Variants in CCNY observed in about 807,000 individuals in gnomAD.
CCNY encodes cyclin Y, also known as cyclin-Y.
CCNY carries 19 observed loss-of-function variants against 42.8 expected under a neutral mutation model. That is an observed-to-expected ratio of 0.44 (90% confidence interval 0.31 to 0.65). The LOEUF (loss-of-function observed/expected upper bound fraction) is 0.65, where lower values mean the gene tolerates loss of function less well. CCNY is among the 30% of genes least tolerant of loss of function. CCNY has a pLI of 0.07. For synonymous variants in CCNY, 165 were observed against 162.7 expected (o/e 1.01, Z -0.11); for missense variants, 370 against 437.3 (o/e 0.85, Z 1.37).
At chr10:35,341,150 G>T (rs1387457307) in intron 1 of CCNY, among the ~76,000 whole-genome samples, 1 of 152,170 alleles carries the variant, frequency 6.6e-6, no homozygotes, top group Non-Finnish European at 1.5e-5. Context: ...GGCCCCTTGG[G>T]ATCTGCCTGC....
Position 35,313,977 on chromosome 10 carries a change from G to GAA in CCNY, c.-9+63373_-9+63374dup, listed in dbSNP as rs71523375. Among the ~76,000 whole-genome samples the GAA allele has an allele frequency of 6.0e-3, 475 of 79,650 alleles. 4 individuals are homozygous for GAA. Among genetic ancestry groups the GAA allele is most frequent in the Admixed American group, 0.017 (106 of 6,316 alleles). 52.3% of individuals were successfully genotyped at this position (79,650 alleles called of 152,430 possible). A position where few individuals can be genotyped will look rare whatever the true frequency, so the allele number is the denominator to read the frequency against. On this transcript the variant is annotated intron_variant, in intron 3 of 11. Transcript: ENST00000374706. ...GGAGATAAAGTGAGAGTTCATCTCG[G>GAA]AAAAAAAAAAAAAAAAAAAAAAAGT...
At chr10:35,453,919 T>G (rs1024597256) in intron 1 of CCNY, among the ~76,000 whole-genome samples, 7 of 152,262 alleles carry the variant, frequency 4.6e-5, no homozygotes, top group Non-Finnish European at 1.0e-4. Flanking sequence ...TCTTTATGCA[T>G]TTCATAATGT....
intron 1 of CCNY, among the ~76,000 whole-genome samples, chr10:35,356,732 A>G (rs1564380218): frequency 6.6e-6 from 1 of 152,194 alleles, no homozygotes; most frequent in East Asian, 1.9e-4. Context: ...TGCTGGGAAG[A>G]TGCAACAAGT....
intron 2 of CCNY, among the ~76,000 whole-genome samples, chr10:35,496,395 T>G (rs1316671559): frequency 2.6e-5 from 4 of 152,224 alleles, no homozygotes; most frequent in Non-Finnish European, 4.4e-5. Flanking sequence ...CTTCTGGGCC[T>G]TCCCTTCCTT....
intron 3 of CCNY, chr10:35,250,696 T>C (rs2076734559): frequency 6.6e-6 from 1 of 152,394 alleles, no homozygotes; most frequent in Non-Finnish European, 1.5e-5. Flanking sequence ...GCCATTTCCA[T>C]GACCATTTGG....
intron 3 of CCNY, among the ~76,000 whole-genome samples, chr10:35,260,692 A>C (rs551835788): frequency 6.6e-6 from 1 of 152,352 alleles, no homozygotes; most frequent in Non-Finnish European, 1.5e-5. Flanking sequence ...TCACCAGGAC[A>C]TAATTTCTCT....
Position 35,292,557 on chromosome 10 carries a change from C to T in CCNY, c.-9+41931C>T, listed in dbSNP as rs574982994. 3.7e-4 allele frequency among the ~76,000 whole-genome samples: 57 copies of T among 152,032 alleles called. No individual in the cohort carries two copies. In the South Asian group the frequency reaches 7.9e-3, roughly 21 times the overall value. On this transcript the variant is annotated intron_variant, in intron 3 of 11. Transcript: ENST00000374706. Reference sequence around the variant, plus strand: ...TGTATTATTAGTAGAGACAGGGTTTCGCCATGTTGGTCAGGCTGGTCTCAA... The same window carrying T: ...TGTATTATTAGTAGAGACAGGGTTTTGCCATGTTGGTCAGGCTGGTCTCAA...
At chr10:35,489,909 A>G (rs1034366495) in intron 2 of CCNY, among the ~76,000 whole-genome samples, 1 of 152,196 alleles carries the variant, frequency 6.6e-6, no homozygotes, top group African/African-American at 2.4e-5. Flanking sequence ...TACTCTTTAC[A>G]TTTGGTGGCA....
intron 3 of CCNY, among the ~76,000 whole-genome samples, chr10:35,503,153 G>C (rs1335650351): frequency 6.6e-6 from 1 of 152,020 alleles, no homozygotes; most frequent in Non-Finnish European, 1.5e-5. Flanking sequence ...CTGAGCACCT[G>C]CCACACACTT....
chr10:35,431,401 CCTCTCTCTCTCTCT>C (rs1177072692), intron 1 of CCNY, among the ~76,000 whole-genome samples: 10 of 3,060 alleles, frequency 3.3e-3, no homozygotes, highest in Admixed American at 5.9e-3. Context: ...CCCCTCCCCT[CCTCTCTCTCTCTCT>C]CTCTCTCTCT....
intron 3 of CCNY, among the ~76,000 whole-genome samples, chr10:35,271,331 G>T (rs113182825): frequency 1.3e-5 from 2 of 152,108 alleles, no homozygotes; most frequent in African/African-American, 2.4e-5. Context: ...AAGGTTCAGC[G>T]TGGAGAAGCC....
At chr10:35,537,935 C>G (rs1440412410) in intron 7 of CCNY, among the ~76,000 whole-genome samples, 1 of 152,050 alleles carries the variant, frequency 6.6e-6, no homozygotes, top group Non-Finnish European at 1.5e-5. Flanking sequence ...GGCTGTGTCC[C>G]CACCAAGATC....
intron 3 of CCNY, among the ~76,000 whole-genome samples, chr10:35,502,024 A>G (rs1840120696): frequency 6.6e-6 from 1 of 152,216 alleles, no homozygotes; most frequent in Non-Finnish European, 1.5e-5. Flanking sequence ...GATAAACTTG[A>G]TAACACTAAA....
In CCNY at chr10:35,570,290, T is replaced by C. The variant is rs1269146107; in HGVS notation, c.*1120T>C. 1 of 152,394 alleles carries C rather than the reference T, an allele frequency of 6.6e-6. No individual in the cohort carries two copies. Among genetic ancestry groups the C allele is most frequent in the Non-Finnish European group, 1.5e-5 (1 of 68,036 alleles). The allele number at this position is 152,394 out of a possible 1,614,324, so 9.4% of individuals were successfully genotyped here. ...GGAAGATCATTGAAGGGAAAAATGT[T>C]ACTATTTACTGAGGTATTTTTCACA... On this transcript the variant is annotated 3_prime_UTR_variant, in exon 10 of 10. Coordinates refer to ENST00000374704, the MANE Select transcript of CCNY (RefSeq NM_145012.6).
At chr10:35,568,892 C>T (rs886717736) in intron 9 of CCNY, among the ~76,000 whole-genome samples, 162 bp from the exon 10 acceptor site, 2 of 152,258 alleles carry the variant, frequency 1.3e-5, no homozygotes, top group South Asian at 2.1e-4. Flanking sequence ...ACACTCCCTT[C>T]GTATCTCCCT....
intron 3 of CCNY, among the ~76,000 whole-genome samples, chr10:35,253,375 G>A (rs750972228): frequency 2.1e-5 from 3 of 144,930 alleles, no homozygotes; most frequent in Non-Finnish European, 4.5e-5. Flanking sequence ...CTAGCCTCCT[G>A]TGTAGCTGTG....
intron 1 of CCNY, among the ~76,000 whole-genome samples, chr10:35,362,578 G>GT (rs902193668): frequency 0.013 from 1,910 of 146,576 alleles, 50 homozygotes; most frequent in African/African-American, 0.045. Context: ...GAGGGTACCA[G>GT]TTTTTTTTTT....
intron 1 of CCNY, among the ~76,000 whole-genome samples, chr10:35,426,111 GCACACACACA>G (rs1055933724): frequency 8.7e-5 from 7 of 80,466 alleles, no homozygotes; most frequent in African/African-American, 3.2e-4. Flanking sequence ...TCCAGCACGC[GCACACACACA>G]CACACACACA....
chr10:35,377,730 A>G (rs1837085254), intron 1 of CCNY, among the ~76,000 whole-genome samples: 1 of 152,240 alleles, frequency 6.6e-6, no homozygotes, highest in African/African-American at 2.4e-5. Context: ...AAATATACTA[A>G]TTTAAAAAAT....
Sources: gnomAD v4.1 joint callset for allele counts (sites outside exome capture counted in the v4.1 genomes callset) on GRCh38, gnomAD v4.1.1 for gene constraint, MANE v1.5 for transcripts, NCBI Gene and HGNC (gene_info 2026-07-23, HGNC 2026-07-21) for gene names.